PLEKHA7: variants seen among roughly 807,000 people sequenced by gnomAD.
The protein encoded by PLEKHA7 is pleckstrin homology domain-containing family A member 7.
In PLEKHA7, 104 loss-of-function variants were observed where a neutral mutation model predicts 170.0. That is an observed-to-expected ratio of 0.61 (90% CI 0.52 to 0.72). PLEKHA7 has a LOEUF of 0.72. Ranked by LOEUF, PLEKHA7 falls within the 30% of genes least tolerant of loss-of-function variation. PLEKHA7 has a pLI of 0.00. For synonymous variants in PLEKHA7, 648 were observed against 660.8 expected (o/e 0.98, Z 0.30); for missense variants, 1,615 against 1,671.7 (o/e 0.97, Z 0.59).
chr11:16,970,971 C>A (rs1005218365), intron 3 of PLEKHA7, among the ~76,000 whole-genome samples: 7 of 152,240 alleles, frequency 4.6e-5, no homozygotes, highest in Non-Finnish European at 7.4e-5. Context: ...GTTATATATC[C>A]TTTAAAGTGC....
chr11:16,936,755 C>G (rs1217049225), intron 3 of PLEKHA7, among the ~76,000 whole-genome samples: 1 of 152,230 alleles, frequency 6.6e-6, no homozygotes, highest in East Asian at 1.9e-4. Context: ...CTTTGCCAAC[C>G]CCAGGTGTGG....
intron 10 of PLEKHA7, among the ~76,000 whole-genome samples, chr11:16,823,392 A>AGGC (rs1850395564): frequency 6.6e-6 from 1 of 152,134 alleles, no homozygotes; most frequent in Non-Finnish European, 1.5e-5. Flanking sequence ...GCCTCAAATG[A>AGGC]TCAAATCATG....
At position 16,783,838 on chromosome 11, in the gene PLEKHA7, G is replaced by A. The variant is rs1162607895; in HGVS notation, c.3517-5C>T. On this transcript the variant is annotated splice_region_variant and splice_polypyrimidine_tract_variant and intron_variant, in intron 24 of 26. Transcript: ENST00000531066. Reference sequence around the variant, plus strand: ...CACCTTCTCTGGTTTGGACAGCTGGGGAGAGGCCAGGAGGTGGCAGAGGGA... The same window carrying A: ...CACCTTCTCTGGTTTGGACAGCTGGAGAGAGGCCAGGAGGTGGCAGAGGGA... 6.9e-7 allele frequency: 1 copy of A among 1,459,662 alleles called. No homozygotes were observed. Among genetic ancestry groups the A allele is most frequent in the African/African-American group, 1.4e-5 (1 of 69,726 alleles). 90.4% of individuals were successfully genotyped at this position (1,459,662 alleles called of 1,614,324 possible). A position where few individuals can be genotyped will look rare whatever the true frequency, so the allele number is the denominator to read the frequency against.
chr11:16,906,160 A>G (rs1857646705), intron 3 of PLEKHA7, among the ~76,000 whole-genome samples: 1 of 150,922 alleles, frequency 6.6e-6, no homozygotes, highest in Admixed American at 6.6e-5. Context: ...CTAATCCCAG[A>G]ACTTCAAAAT....
chr11:16,947,915 C>CAAAAAAAAAA (rs756124686), intron 3 of PLEKHA7, among the ~76,000 whole-genome samples: 7 of 66,910 alleles, frequency 1.0e-4, no homozygotes, highest in African/African-American at 2.2e-4. Context: ...GACTCCGTCT[C>CAAAAAAAAAA]AAAAAAAAAA....
intron 18 of PLEKHA7, 95 bp from the exon 19 acceptor site, chr11:16,794,809 C>T: frequency 6.6e-7 from 1 of 1,516,792 alleles, no homozygotes; most frequent in Middle Eastern, 1.7e-4. Flanking sequence ...AAGACTCAAC[C>T]TCCCCAAGGG....
rs1416898157 is a variant in PLEKHA7 at position 16,778,555 on chromosome 11, C to T, written c.*443G>A. On this transcript the variant is annotated 3_prime_UTR_variant, in exon 27 of 27. Coordinates refer to ENST00000531066, the MANE Select transcript of PLEKHA7 (RefSeq NM_001329630.2). ...TTGCTGGAGTCTACTGGGAACACCT[C>T]TTTAAATCTCACTTTCTCCTGAGGT... The T allele has an allele frequency of 1.8e-5, 4 of 219,176 alleles. No homozygotes were observed. The highest frequency in any genetic ancestry group is 2.8e-5 in the Non-Finnish European group (3 of 105,896). The allele number at this position is 219,176 out of a possible 1,614,324, so 13.6% of individuals were successfully genotyped here.
chr11:16,951,293 GT>G (rs1392848457), intron 3 of PLEKHA7, among the ~76,000 whole-genome samples: 1 of 152,130 alleles, frequency 6.6e-6, no homozygotes, highest in Non-Finnish European at 1.5e-5. Flanking sequence ...GTTGACATTA[GT>G]TGAGTGAATA....
chr11:16,953,983 A>G (rs1030784043), intron 3 of PLEKHA7, among the ~76,000 whole-genome samples: 3 of 152,238 alleles, frequency 2.0e-5, no homozygotes, highest in African/African-American at 7.2e-5. Context: ...TATAAAGTTC[A>G]GAAACAGACC....
rs11827482 is a variant in PLEKHA7 at position 16,873,666 on chromosome 11, G to A, written c.222-2484C>T. Among the ~76,000 whole-genome samples, 715 of 152,264 alleles carry A rather than the reference G, an allele frequency of 4.7e-3. 7 individuals carry two copies. Among genetic ancestry groups the A allele is most frequent in the African/African-American group, 0.017 (691 of 41,554 alleles). ...AAGGGTTAGGCTTTATTTACACCCAGCTTTTCCTTTTTTCTTTTGAGATGG... is the reference window on the plus strand; with the variant it reads ...AAGGGTTAGGCTTTATTTACACCCAACTTTTCCTTTTTTCTTTTGAGATGG... On this transcript the variant is annotated intron_variant, in intron 3 of 26. Transcript: ENST00000531066.
intron 15 of PLEKHA7, among the ~76,000 whole-genome samples, chr11:16,802,282 T>C (rs1848646986): frequency 6.6e-6 from 1 of 152,226 alleles, no homozygotes; most frequent in Non-Finnish European, 1.5e-5. Context: ...CATCCAGACT[T>C]GCTGCCTCCA....
intron 17 of PLEKHA7, among the ~76,000 whole-genome samples, chr11:16,796,804 T>C (rs900714119): frequency 6.6e-6 from 1 of 152,098 alleles, no homozygotes. Flanking sequence ...TACCGGAGCA[T>C]GCCACCATGC....
chr11:16,817,119 C>A lies in PLEKHA7; in HGVS notation c.1547G>T (p.Arg516Leu). ...GTAGAGCTGCCACACGGTGCCATCCCGGTGCGCCCGGCGCTCTTCACTCGA... is the reference window on the plus strand; with the variant it reads ...GTAGAGCTGCCACACGGTGCCATCCAGGTGCGCCCGGCGCTCTTCACTCGA... ...KMSSEERRAH[R>L]DGTVWQLYEW... The change falls in exon 11 of 27, where the codon CGG becomes CTG. Residue 516 changes from arginine (R) to leucine (L), a missense_variant. Transcript: ENST00000531066. The surrounding 1 kb of genome is among the most constrained non-coding windows in gnomAD (Gnocchi z 4.4). The A allele has an allele frequency of 6.2e-7, 1 of 1,614,132 alleles. No homozygotes were observed. The highest frequency in any genetic ancestry group is 1.7e-5 in the Admixed American group (1 of 60,028).
At position 16,854,892 on chromosome 11, in the gene PLEKHA7, C is replaced by T. The variant is rs143574624; in HGVS notation, c.519G>A (p.Lys173=). ...VPVVVRGWLH[K]QDSSGMRLWK... is the part of the protein sequence containing the mutation. The stretch of plus-strand genomic sequence containing the variant: ...TCTCACTCCTCGGCTTCCTCACCTG[C>T]TTGTGCAGCCAGCCCCTCACCACCA... Residue 173 remains lysine, a synonymous_variant, in exon 6 of 27, where the codon AAG becomes AAA. Coordinates refer to ENST00000531066, the MANE Select transcript of PLEKHA7 (RefSeq NM_001329630.2). The T allele has an allele frequency of 9.3e-4, 1,502 of 1,613,678 alleles. 1 individual carries two copies. The highest frequency in any genetic ancestry group is 1.1e-3 in the Non-Finnish European group (1,342 of 1,179,648).
intron 17 of PLEKHA7, among the ~76,000 whole-genome samples, chr11:16,795,759 A>G (rs1848181684): frequency 2.0e-5 from 3 of 151,236 alleles, no homozygotes; most frequent in Non-Finnish European, 2.9e-5. Context: ...ACTGCACTCC[A>G]GCCTGGGCAA....
chr11:16,929,897 G>A (rs1341568435), intron 3 of PLEKHA7, among the ~76,000 whole-genome samples: 2 of 152,288 alleles, frequency 1.3e-5, no homozygotes, highest in Admixed American at 6.5e-5. Flanking sequence ...CCAGCTACTC[G>A]GGAGGCTGAG....
intron 24 of PLEKHA7, 25 bp from the exon 25 acceptor site, chr11:16,783,858 G>C: frequency 7.0e-7 from 1 of 1,423,278 alleles, no homozygotes; most frequent in East Asian, 2.9e-5. Context: ...GGAGGTGGCA[G>C]AGGGAGAGGC....
intron 3 of PLEKHA7, among the ~76,000 whole-genome samples, chr11:16,911,898 C>T (rs2190751): frequency 0.067 from 10,146 of 152,170 alleles, 1,132 homozygotes; most frequent in African/African-American, 0.23. Flanking sequence ...ATCCCGTCCA[C>T]GGCACCTGCT....
At chr11:16,898,153 C>T (rs1434746141) in intron 3 of PLEKHA7, among the ~76,000 whole-genome samples, 1 of 152,116 alleles carries the variant, frequency 6.6e-6, no homozygotes, top group African/African-American at 2.4e-5. Context: ...ATCCCGGCAT[C>T]CCCAAAGCCC....
Sources: allele counts gnomAD v4.1 joint callset (sites outside exome capture counted in the v4.1 genomes callset), GRCh38; gene constraint gnomAD v4.1.1; non-coding constraint Gnocchi (gnomAD v3.1); transcripts MANE v1.5; gene names NCBI Gene and HGNC (gene_info 2026-07-23, HGNC 2026-07-21).